TNRC6A: variants seen among roughly 807,000 people sequenced by gnomAD.
TNRC6A encodes trinucleotide repeat-containing gene 6A protein.
A neutral mutation model predicts 221.2 loss-of-function variants in TNRC6A; 44 were observed. The observed-to-expected ratio is 0.20, with a 90% CI of 0.16 to 0.26. The LOEUF is 0.26. Ranked by LOEUF, TNRC6A falls within the 10% of genes least tolerant of loss-of-function variation. The probability of loss-of-function intolerance (pLI) is 1.00; values close to 1 mark genes in which losing one functional copy is unlikely to be tolerated. For synonymous variants in TNRC6A, 847 were observed against 838.5 expected, an observed-to-expected ratio of 1.01 and a Z score of -0.18; for missense variants, 2,199 against 2,404.4, an observed-to-expected ratio of 0.91 and a Z score of 1.79.
rs531196991 is a variant in TNRC6A at position 24,826,192 on chromosome 16, T to C, written c.*2385T>C. The C allele has an allele frequency of 8.7e-4, 133 of 152,772 alleles. No individual in the cohort carries two copies. The highest frequency in any genetic ancestry group is 3.1e-3 in the African/African-American group (130 of 41,590). 9.5% of individuals were successfully genotyped at this position (152,772 alleles called of 1,614,324 possible). On this transcript the variant is annotated 3_prime_UTR_variant, in exon 25 of 25. Coordinates refer to ENST00000395799, the MANE Select transcript of TNRC6A (RefSeq NM_014494.4). Reference sequence around the variant, plus strand: ...GTTTGGGAGTTTTTTGCGCTTGTTATGTGGAAATAAAGTGTTTGATTTAAA... The same window carrying C: ...GTTTGGGAGTTTTTTGCGCTTGTTACGTGGAAATAAAGTGTTTGATTTAAA...
At chr16:24,672,224 C>G (rs370115307) in intron 2 of TNRC6A, among the ~76,000 whole-genome samples, 37 of 152,040 alleles carry the variant, frequency 2.4e-4, no homozygotes, top group East Asian at 9.7e-4. Flanking sequence ...CGGGTTCACG[C>G]CATTCTGCTG....
At chr16:24,730,496 TA>T (rs371676645) in intron 2 of TNRC6A, among the ~76,000 whole-genome samples, 196 bp downstream of exon 2, 9,912 of 135,056 alleles carry the variant, frequency 0.073, 732 homozygotes, top group East Asian at 0.36. Flanking sequence ...TTTCTTTCTT[TA>T]AAAAAAAAAA....
chr16:24,621,171 T>G (rs1440267319), intron 1 of TNRC6A, among the ~76,000 whole-genome samples: 4 of 151,414 alleles, frequency 2.6e-5, no homozygotes, highest in African/African-American at 4.8e-5. Flanking sequence ...GCAGTTTCTG[T>G]TTCTATAAAA....
chr16:24,667,740 T>C (rs1286726514), intron 2 of TNRC6A, among the ~76,000 whole-genome samples: 3 of 152,202 alleles, frequency 2.0e-5, no homozygotes, highest in Non-Finnish European at 4.4e-5. Flanking sequence ...CGTTCCACTG[T>C]TTAATATATT....
intron 2 of TNRC6A, among the ~76,000 whole-genome samples, chr16:24,654,334 CTG>C: frequency 6.6e-6 from 1 of 152,176 alleles, no homozygotes; most frequent in Non-Finnish European, 1.5e-5. Flanking sequence ...AATGATTACA[CTG>C]TGCTTAATGG....
chr16:24,733,404 G>A (rs2056689409), intron 2 of TNRC6A, among the ~76,000 whole-genome samples: 1 of 152,160 alleles, frequency 6.6e-6, no homozygotes, highest in Non-Finnish European at 1.5e-5. Flanking sequence ...AATAAATTTA[G>A]TTTACTATCA....
chr16:24,788,970 A>G (rs145719944), intron 5 of TNRC6A, among the ~76,000 whole-genome samples: 214 of 152,198 alleles, frequency 1.4e-3, no homozygotes, highest in African/African-American at 5.0e-3. Context: ...ATTTACCGAT[A>G]TGTTAACAAT....
intron 2 of TNRC6A, chr16:24,661,295 T>A (rs1192103567): frequency 7.9e-5 from 12 of 152,156 alleles, no homozygotes; most frequent in Admixed American, 7.9e-4. Flanking sequence ...TGTCTTTGCT[T>A]ATACTTTTAA....
intron 2 of TNRC6A, among the ~76,000 whole-genome samples, chr16:24,683,723 G>A (rs1596489317): frequency 2.0e-5 from 3 of 152,200 alleles, no homozygotes; most frequent in Admixed American, 1.3e-4. Flanking sequence ...TCTTCTCGCT[G>A]TCCTCAGTTT....
chr16:24,723,018 G>C (rs1457347323), intron 2 of TNRC6A, among the ~76,000 whole-genome samples: 1 of 152,142 alleles, frequency 6.6e-6, no homozygotes, highest in Non-Finnish European at 1.5e-5. Context: ...TCCATATAGG[G>C]TGTTGGTTGG....
rs7185729 is a variant in TNRC6A at position 24,643,176 on chromosome 16, G to A, written n.402+2167G>A. The stretch of plus-strand genomic sequence containing the variant: ...CATTCATGGGAACCCCATGGCCTGG[G>A]CTATAGAGGAAGTAGGATGCTGAGA... On this transcript the variant is annotated intron_variant and non_coding_transcript_variant, in intron 2 of 2. Transcript: ENST00000566108. 5.5e-3 allele frequency among the ~76,000 whole-genome samples: 807 copies of A among 146,512 alleles called. 8 individuals are homozygous for A. The highest frequency in any genetic ancestry group is 0.019 in the African/African-American group (761 of 39,554).
rs369875251 is a variant in TNRC6A at position 24,690,027 on chromosome 16, A to T, written n.402+49018A>T. On this transcript the variant is annotated intron_variant and non_coding_transcript_variant, in intron 2 of 2. Coordinates refer to the TNRC6A transcript ENST00000566108. ...AAAAAAAAAAAAAAAAAAAAAAAAA[A>T]TTTTTTTTTTTTGAGATAGGGTCTC... Among the ~76,000 whole-genome samples, 427 of 86,862 alleles carry T rather than the reference A, an allele frequency of 4.9e-3. 2 individuals carry two copies. The highest frequency in any genetic ancestry group is 0.012 in the Middle Eastern group (2 of 164). The allele number at this position is 86,862 out of a possible 152,430, so 57.0% of individuals were successfully genotyped here.
intron 2 of TNRC6A, among the ~76,000 whole-genome samples, chr16:24,704,753 C>G (rs1360811229): frequency 6.7e-6 from 1 of 148,834 alleles, no homozygotes; most frequent in African/African-American, 2.5e-5. Context: ...TACGTACTCA[C>G]TTTTGTAGCA....
chr16:24,818,070 G>A (rs889885601), intron 20 of TNRC6A, among the ~76,000 whole-genome samples: 2 of 152,142 alleles, frequency 1.3e-5, no homozygotes, highest in African/African-American at 4.8e-5. Flanking sequence ...CGGGTCTAGA[G>A]CTCAACTAGA....
chr16:24,821,403 C>T (rs1212250769), intron 22 of TNRC6A, among the ~76,000 whole-genome samples: 5 of 152,176 alleles, frequency 3.3e-5, no homozygotes, highest in Admixed American at 1.3e-4. Flanking sequence ...GCCCAGACAC[C>T]GGAGAAAGCA....
chr16:24,623,901 CAAAAAAAAAAAAAAAAAAA>C (rs67546745), intron 1 of TNRC6A, among the ~76,000 whole-genome samples: 1 of 55,160 alleles, frequency 1.8e-5, no homozygotes, highest in Non-Finnish European at 3.0e-5. Context: ...GACCCTGTCT[CAAAAAAAAAAAAAAAAAAA>C]AAAAAAAAAA....
intron 5 of TNRC6A, among the ~76,000 whole-genome samples, chr16:24,782,881 A>T (rs1319728333): frequency 6.6e-6 from 1 of 152,182 alleles, no homozygotes; most frequent in Non-Finnish European, 1.5e-5. Context: ...GACAAAAAAA[A>T]GAGTGATTTG....
intron 2 of TNRC6A, among the ~76,000 whole-genome samples, chr16:24,721,969 GA>G (rs2056417537): frequency 6.6e-6 from 1 of 152,176 alleles, no homozygotes; most frequent in Non-Finnish European, 1.5e-5. Flanking sequence ...ATGTGAATCA[GA>G]AAAGCGGTTT....
intron 2 of TNRC6A, among the ~76,000 whole-genome samples, chr16:24,714,414 T>C (rs2056272216): frequency 7.0e-6 from 1 of 143,354 alleles, no homozygotes; most frequent in African/African-American, 2.6e-5. Flanking sequence ...GTTCACACCA[T>C]TCTCCTGCCT....
Sources: allele counts gnomAD v4.1 joint callset (sites outside exome capture counted in the v4.1 genomes callset), GRCh38; gene constraint gnomAD v4.1.1; transcripts MANE v1.5; gene names NCBI Gene and HGNC (gene_info 2026-07-23, HGNC 2026-07-21).